The following ABCB4 variants were observed in gnomAD, a reference collection of about 807,000 sequenced individuals.
The protein encoded by ABCB4 is phosphatidylcholine translocator ABCB4.
Under a neutral mutation model 145.7 loss-of-function variants are expected in ABCB4, and 76 were observed. The ratio of observed to expected loss-of-function variants is 0.52; its 90% CI spans 0.43 to 0.63. ABCB4 has a LOEUF of 0.63. Ranked by LOEUF, ABCB4 falls within the 30% of genes least tolerant of loss-of-function variation. The pLI, the probability that ABCB4 is intolerant of heterozygous loss-of-function variation, is 0.00. For synonymous variants in ABCB4, 517 were observed against 566.8 expected (o/e 0.91, Z 1.25); for missense variants, 1,234 against 1,553.1 (o/e 0.79, Z 3.45).
intron 4 of ABCB4, among the ~76,000 whole-genome samples, chr7:87,455,076 T>G (rs1193789840): frequency 6.6e-6 from 1 of 152,122 alleles, no homozygotes; most frequent in African/African-American, 2.4e-5. Context: ...TTTCTTTACA[T>G]GTCTCATATG....
At chr7:87,457,621 T>C (rs1198758101) in intron 4 of ABCB4, among the ~76,000 whole-genome samples, 5 of 152,188 alleles carry the variant, frequency 3.3e-5, no homozygotes, top group African/African-American at 7.2e-5. Flanking sequence ...TTTGTCCCAA[T>C]ATTTATTGAT....
Position 87,440,261 on chromosome 7 carries a change from C to T in ABCB4, c.1498G>A (p.Asp500Asn). Residue 500 changes from aspartate to asparagine, a missense_variant, in exon 13 of 28, where the codon GAT becomes AAT. Asp to Asn is a conservative substitution (Grantham distance 23, BLOSUM62 1). Around this residue, in one of 7 missense-constraint regions of ABCB4, gnomAD observed 467 missense variants for 632.8 expected, o/e 0.74. Transcript: ENST00000649586. Reference protein sequence around the residue: ...ICYGRGNVTMDEIKKAVKEAN... With the variant: ...ICYGRGNVTMNEIKKAVKEAN... ...TCTTTGACAGCTTTCTTTATCTCAT[C>T]CATGGTTACATTTCCACGGCCATAA... 2 of 1,614,120 alleles carry T rather than the reference C, an allele frequency of 1.2e-6. No homozygotes were observed. The highest frequency in any genetic ancestry group is 1.7e-6 in the Non-Finnish European group (2 of 1,180,022).
the ABCB4 span, among the ~76,000 whole-genome samples, chr7:87,379,576 T>C: frequency 6.6e-6 from 1 of 152,226 alleles, no homozygotes; most frequent in South Asian, 2.1e-4. Context: ...ATTTTGATAA[T>C]CTTGTCTGTC....
the ABCB4 span, chr7:87,376,093 A>T: frequency 1.4e-6 from 1 of 705,534 alleles, no homozygotes; most frequent in Non-Finnish European, 2.2e-6. Context: ...ACTTGTGCCA[A>T]ATTGAAGCTT....
chr7:87,384,439 C>T, the ABCB4 span, among the ~76,000 whole-genome samples: 8 of 152,074 alleles, frequency 5.3e-5, no homozygotes, highest in African/African-American at 1.9e-4. Context: ...GGCTGAGGCA[C>T]GAGAATCCCT....
At chr7:87,394,636 T>C in the ABCB4 span, among the ~76,000 whole-genome samples, 2 of 152,108 alleles carry the variant, frequency 1.3e-5, no homozygotes, top group Non-Finnish European at 2.9e-5. Flanking sequence ...CAAAATGCCT[T>C]TTGATCTCCA....
chr7:87,413,915 T>C (rs1041155368), intron 21 of ABCB4, among the ~76,000 whole-genome samples, 198 bp from the exon 22 acceptor site: 17 of 152,236 alleles, frequency 1.1e-4, no homozygotes, highest in Admixed American at 9.2e-4. Context: ...GTGCTAAGTA[T>C]GGTAGGCAAG....
the ABCB4 span, chr7:87,382,062 C>T: frequency 1.9e-6 from 3 of 1,592,776 alleles, no homozygotes; most frequent in South Asian, 2.3e-5. Flanking sequence ...TTTAAGTCTT[C>T]CCTATTTTCA....
chr7:87,474,911 T>C (rs1289101723), intron 2 of ABCB4, among the ~76,000 whole-genome samples: 1 of 150,682 alleles, frequency 6.6e-6, no homozygotes, highest in Non-Finnish European at 1.5e-5. Flanking sequence ...GGGGGAGGGG[T>C]AAGACAAGGA....
At chr7:87,428,426 A>G (rs1206254851) in intron 15 of ABCB4, among the ~76,000 whole-genome samples, 1 of 152,246 alleles carries the variant, frequency 6.6e-6, no homozygotes, top group Non-Finnish European at 1.5e-5. Context: ...AAAAAGCAGA[A>G]CAAAAAATGC....
At chr7:87,417,876 A>G (rs947985182) in intron 20 of ABCB4, among the ~76,000 whole-genome samples, 2 of 152,252 alleles carry the variant, frequency 1.3e-5, no homozygotes, top group Non-Finnish European at 2.9e-5. Context: ...ATTTAATTCA[A>G]AAGTGTAAAA....
At chr7:87,422,978 A>T (rs1475279060) in intron 17 of ABCB4, among the ~76,000 whole-genome samples, 2 of 152,172 alleles carry the variant, frequency 1.3e-5, no homozygotes, top group East Asian at 3.9e-4. Flanking sequence ...TATAGTCCAC[A>T]TTGCCTTGAA....
rs1455436528 is a variant in ABCB4 at position 87,409,216 on chromosome 7, TCAGGCATCAGAGAACTTA to T, written c.3081+2_3081+19del. On this transcript the variant is annotated splice_donor_variant and splice_donor_5th_base_variant and intron_variant, in intron 24 of 27. Coordinates refer to ENST00000649586, the MANE Select transcript of ABCB4 (RefSeq NM_000443.4). LOFTEE classifies it high-confidence loss of function. ...TTAGGGAAAAATTGATCAAGCATCA[TCAGGCATCAGAGAACTTA>T]CAGGCTTCAGCCCCTCTTCACTGTA... is the stretch of plus-strand genomic sequence containing the variant. 1 of 1,613,774 alleles carries T rather than the reference TCAGGCATCAGAGAACTTA, an allele frequency of 6.2e-7. No individual in the cohort carries two copies. Among genetic ancestry groups the T allele is most frequent in the African/African-American group, 1.3e-5 (1 of 74,930 alleles).
the ABCB4 span, chr7:87,382,506 C>T: frequency 3.1e-6 from 5 of 1,613,834 alleles, no homozygotes; most frequent in Admixed American, 3.3e-5. Flanking sequence ...GTTTATTCAG[C>T]TTGCACTTCA....
intron 17 of ABCB4, 67 bp downstream of exon 17, chr7:87,423,839 G>C: frequency 6.3e-7 from 1 of 1,597,618 alleles, no homozygotes; most frequent in Non-Finnish European, 8.6e-7. Context: ...CAGTCAGTGA[G>C]GTTGGGAGAA....
intron 14 of ABCB4, among the ~76,000 whole-genome samples, chr7:87,437,598 GCTA>G (rs1173219460): frequency 3.9e-5 from 6 of 152,154 alleles, no homozygotes; most frequent in Non-Finnish European, 8.8e-5. Flanking sequence ...TTTCATATGT[GCTA>G]GGCATGTGCT....
chr7:87,377,210 C>T, the ABCB4 span: 1 of 530,806 alleles, frequency 1.9e-6, no homozygotes, highest in Non-Finnish European at 3.3e-6. Flanking sequence ...ATCAGTGTTG[C>T]TGATCATAAC....
chr7:87,440,503 C>T, intron 12 of ABCB4, 101 bp from the exon 13 acceptor site: 1 of 1,000,380 alleles, frequency 1.0e-6, no homozygotes, highest in Non-Finnish European at 1.5e-6. Flanking sequence ...TAACTTGGTT[C>T]AGTGTTTAGA....
intron 14 of ABCB4, among the ~76,000 whole-genome samples, chr7:87,435,515 C>A (rs1046158781): frequency 2.0e-5 from 3 of 152,144 alleles, no homozygotes; most frequent in African/African-American, 7.2e-5. Context: ...TCGGATGTTA[C>A]CCTGGAACCG....
Sources: allele counts gnomAD v4.1 joint callset (sites outside exome capture counted in the v4.1 genomes callset), GRCh38; gene constraint gnomAD v4.1.1; regional missense constraint gnomAD v4.1.1; transcripts MANE v1.5; gene names NCBI Gene and HGNC (gene_info 2026-07-23, HGNC 2026-07-21).